STAT5B: variants seen among roughly 807,000 people sequenced by gnomAD.
STAT5B encodes signal transducer and activator of transcription 5B.
In STAT5B, 21 loss-of-function variants were observed where a neutral mutation model predicts 107.8. The observed-to-expected ratio is 0.19, with a 90% confidence interval of 0.14 to 0.28. The LOEUF (loss-of-function observed/expected upper bound fraction) is 0.28, where lower values mean the gene tolerates loss of function less well. Among genes scored for constraint, STAT5B ranks in the 10% least tolerant of loss-of-function variants. The pLI is 1.00. For synonymous variants in STAT5B, 325 were observed against 401.7 expected (o/e 0.81, Z 2.28); for missense variants, 565 against 1,008.2 (o/e 0.56, Z 5.95).
Position 42,250,730 on chromosome 17 carries a change from C to T in STAT5B, c.-10-18593G>A, listed in dbSNP as rs141744714. Reference sequence around the variant, plus strand: ...ATGAGGTCAGGAGATCGAGACCATCCTGGCTAGCATGGTGAAACCCCATCT... The same window carrying T: ...ATGAGGTCAGGAGATCGAGACCATCTTGGCTAGCATGGTGAAACCCCATCT... On this transcript the variant is annotated intron_variant, in intron 1 of 18. Transcript: ENST00000293328. Among the ~76,000 whole-genome samples the T allele has an allele frequency of 3.0e-3, 458 of 152,106 alleles. 3 individuals carry two copies. Among genetic ancestry groups the T allele is most frequent in the African/African-American group, 0.011 (443 of 41,502 alleles).
At chr17:42,231,897 T>G (rs1370849787) in intron 2 of STAT5B, 103 bp downstream of exon 2, 1 of 1,559,666 alleles carries the variant, frequency 6.4e-7, no homozygotes, top group Admixed American at 1.7e-5. Context: ...TTAAAAATGT[T>G]TAAAAATACA....
intron 1 of STAT5B, among the ~76,000 whole-genome samples, chr17:42,249,666 A>C (rs1212927857): frequency 2.6e-5 from 4 of 151,682 alleles, no homozygotes; most frequent in Non-Finnish European, 5.9e-5. Flanking sequence ...TAGAAAATAT[A>C]ATTTTTTTTT....
Position 42,200,051 on chromosome 17 carries a change from T to G in STAT5B, c.*1687A>C, listed in dbSNP as rs1358335461. 6.6e-6 allele frequency: 1 copy of G among 152,590 alleles called. No homozygotes were observed. The highest frequency in any genetic ancestry group is 1.5e-5 in the Non-Finnish European group (1 of 68,024). The allele number at this position is 152,590 out of a possible 1,614,324, so 9.5% of individuals were successfully genotyped here. On this transcript the variant is annotated 3_prime_UTR_variant, in exon 19 of 19. Coordinates refer to ENST00000293328, the MANE Select transcript of STAT5B (RefSeq NM_012448.4). ...GCTGAGTGGGATGCGGGTAGCCTGC[T>G]CCTCAGAGGCAGAGAGACTCTACTG... is the stretch of plus-strand genomic sequence containing the variant.
intron 1 of STAT5B, among the ~76,000 whole-genome samples, chr17:42,247,336 A>T (rs2080460029): frequency 6.6e-6 from 1 of 152,258 alleles, no homozygotes; most frequent in Admixed American, 6.5e-5. Flanking sequence ...TTTTCCAGGT[A>T]GCTGTGTTCT....
intron 16 of STAT5B, 66 bp downstream of exon 16, chr17:42,207,492 C>CACACACACAA: frequency 5.4e-6 from 5 of 922,104 alleles, no homozygotes; most frequent in Non-Finnish European, 7.4e-6. Flanking sequence ...GGTATGCACA[C>CACACACACAA]ACACACACAC....
chr17:42,274,315 A>G (rs1406701945), intron 1 of STAT5B, among the ~76,000 whole-genome samples: 1 of 143,036 alleles, frequency 7.0e-6, no homozygotes, highest in African/African-American at 2.6e-5. Context: ...AAACCTCTCC[A>G]TTCCTTCCCT....
intron 16 of STAT5B, among the ~76,000 whole-genome samples, chr17:42,206,971 G>T (rs866241567): frequency 6.6e-6 from 1 of 151,618 alleles, no homozygotes; most frequent in African/African-American, 2.4e-5. Context: ...CCACCTCCTG[G>T]GTTCAAGTGA....
Position 42,200,924 on chromosome 17 carries a change from A to G in STAT5B, c.*814T>C. On this transcript the variant is annotated 3_prime_UTR_variant, in exon 19 of 19. Transcript: ENST00000293328. ...CTGCGCACTCCACTCTGGCCAGAAC[A>G]CAAACGGCATTGGCACTGTAAGCTC... 2 of 397,148 alleles carry G rather than the reference A, an allele frequency of 5.0e-6. No individual in the cohort carries two copies. The highest frequency in any genetic ancestry group is 7.1e-5 in the East Asian group (2 of 28,148). The allele number at this position is 397,148 out of a possible 1,614,324, so 24.6% of individuals were successfully genotyped here.
intron 16 of STAT5B, among the ~76,000 whole-genome samples, chr17:42,204,990 T>C (rs1171598731): frequency 1.3e-5 from 2 of 152,140 alleles, no homozygotes; most frequent in African/African-American, 4.8e-5. Flanking sequence ...CAAAATGAGG[T>C]TGGAAGATTA....
intron 1 of STAT5B, among the ~76,000 whole-genome samples, chr17:42,253,981 T>C (rs2080521159): frequency 1.3e-5 from 2 of 152,192 alleles, no homozygotes; most frequent in African/African-American, 4.8e-5. Flanking sequence ...GTTCCGAATC[T>C]ACCTGTTGAC....
rs1170810961 is a variant in STAT5B, at chr17:42,270,379, G to T, written c.-11+5869C>A. Reference sequence around the variant, plus strand: ...ATTGTTGAGTTCTCAGTACAGACGTGCATGTCAACACAAACCCACTACATT... The same window carrying T: ...ATTGTTGAGTTCTCAGTACAGACGTTCATGTCAACACAAACCCACTACATT... On this transcript the variant is annotated intron_variant, in intron 1 of 18. Coordinates refer to ENST00000293328, the MANE Select transcript of STAT5B (RefSeq NM_012448.4). 2.6e-5 allele frequency: 4 copies of T among 152,214 alleles called. No individual in the cohort carries two copies. In the South Asian group the frequency reaches 6.2e-4, roughly 24 times the overall value. The allele number at this position is 152,214 out of a possible 1,614,324, so 9.4% of individuals were successfully genotyped here.
At chr17:42,208,181 C>T (rs1005621067) in intron 15 of STAT5B, among the ~76,000 whole-genome samples, 3 of 152,074 alleles carry the variant, frequency 2.0e-5, no homozygotes, top group African/African-American at 4.8e-5. Context: ...CGTGAGCCAC[C>T]GTGCCCGGCC....
intron 1 of STAT5B, among the ~76,000 whole-genome samples, chr17:42,253,264 T>C (rs761328755): frequency 9.2e-5 from 14 of 152,228 alleles, no homozygotes; most frequent in Non-Finnish European, 1.9e-4. Flanking sequence ...TGTAGCAAAG[T>C]AAATTTAGCA....
rs1230109573 is a variant in STAT5B, at chr17:42,264,527, G to C, written c.-11+11721C>G. Reference sequence around the variant, plus strand: ...CCAATTTCATCCATGTCCCTACAAAGGACATGAACTCATCATTTTTTATGG... The same window carrying C: ...CCAATTTCATCCATGTCCCTACAAACGACATGAACTCATCATTTTTTATGG... On this transcript the variant is annotated intron_variant, in intron 1 of 18. Coordinates refer to ENST00000293328, the MANE Select transcript of STAT5B (RefSeq NM_012448.4). 1.1e-4 allele frequency among the ~76,000 whole-genome samples: 16 copies of C among 152,008 alleles called. 1 individual carries two copies. In the South Asian group the frequency reaches 3.3e-3, roughly 32 times the overall value.
intron 5 of STAT5B, among the ~76,000 whole-genome samples, chr17:42,222,276 A>G (rs2080236761): frequency 6.6e-6 from 1 of 151,948 alleles, no homozygotes; most frequent in African/African-American, 2.4e-5. Context: ...ATGGAAGCAG[A>G]GAGGAAACTA....
At chr17:42,274,059 A>G (rs2080743099) in intron 1 of STAT5B, among the ~76,000 whole-genome samples, 1 of 152,112 alleles carries the variant, frequency 6.6e-6, no homozygotes, top group Non-Finnish European at 1.5e-5. Flanking sequence ...AATCATACAT[A>G]CTATGAAGTA....
intron 1 of STAT5B, among the ~76,000 whole-genome samples, chr17:42,236,160 A>C (rs1204523572): frequency 2.6e-5 from 4 of 152,218 alleles, no homozygotes; most frequent in African/African-American, 9.6e-5. Context: ...ACCAAGTGGC[A>C]ATCACCTTAT....
At chr17:42,264,451 T>C (rs1189696128) in intron 1 of STAT5B, among the ~76,000 whole-genome samples, 1 of 149,128 alleles carries the variant, frequency 6.7e-6, no homozygotes, top group Admixed American at 6.8e-5. Flanking sequence ...AGTGAGAATA[T>C]GTGGTGTTTG....
At chr17:42,245,542 G>A (rs548901923) in intron 1 of STAT5B, among the ~76,000 whole-genome samples, 1 of 151,320 alleles carries the variant, frequency 6.6e-6, no homozygotes, top group Non-Finnish European at 1.5e-5. Context: ...ATTTTTTTGA[G>A]ACGGAGTTTT....
Sources: allele counts gnomAD v4.1 joint callset (sites outside exome capture counted in the v4.1 genomes callset), GRCh38; gene constraint gnomAD v4.1.1; transcripts MANE v1.5; gene names NCBI Gene and HGNC (gene_info 2026-07-23, HGNC 2026-07-21).